MGP: variants seen among roughly 807,000 people sequenced by gnomAD.
MGP encodes cell growth-inhibiting gene 36 protein.
Under a neutral mutation model 14.5 loss-of-function variants are expected in MGP, and 13 were observed. The observed-to-expected ratio is 0.89, with a 90% CI of 0.58 to 1.42. MGP has a LOEUF of 1.42. Among genes scored for constraint, MGP ranks in the 40% most tolerant of loss-of-function variants. MGP has a pLI of 0.00. For synonymous variants in MGP, 44 were observed against 46.3 expected, an observed-to-expected ratio of 0.95 and a Z score of 0.20; for missense variants, 128 against 133.7, an observed-to-expected ratio of 0.96 and a Z score of 0.21.
intron 2 of MGP, 188 bp downstream of exon 2, chr12:14,884,025 A>G (rs1863411698): frequency 2.1e-6 from 1 of 479,240 alleles, no homozygotes; most frequent in African/African-American, 1.9e-5. Flanking sequence ...ATATTGCACT[A>G]CTTCAAACTT....
chr12:14,884,645 A>T (rs1008521391), intron 1 of MGP, among the ~76,000 whole-genome samples: 75 of 152,306 alleles, frequency 4.9e-4, no homozygotes, highest in Admixed American at 1.2e-3. Context: ...GTCAAAGAGG[A>T]TTAAGAAGGA....
Position 14,885,759 on chromosome 12 carries a change from G to T in MGP, c.33C>A (p.Ala11=). 2 of 1,613,800 alleles carry T rather than the reference G, an allele frequency of 1.2e-6. No individual in the cohort carries two copies. The highest frequency in any genetic ancestry group is 1.7e-6 in the Non-Finnish European group (2 of 1,179,752). ...AACACAAAGTTACTACCGCTAAGGC[G>T]GCCAGGATGGCAAGAAGGATCAGGC... MKSLILLAIL[A]ALAVVTLCYE... The change falls in exon 1 of 4, where the codon GCC becomes GCA. Residue 11 remains alanine (A), a synonymous_variant. Transcript: ENST00000539261.
intron 1 of MGP, among the ~76,000 whole-genome samples, chr12:14,884,585 C>G (rs1863418428): frequency 6.6e-6 from 1 of 152,170 alleles, no homozygotes. Flanking sequence ...GTACAGAAGT[C>G]TCCAGAGAAC....
At chr12:14,883,229 A>G in intron 2 of MGP, 182 bp from the exon 3 acceptor site, 1 of 594,514 alleles carries the variant, frequency 1.7e-6, no homozygotes, top group Admixed American at 2.4e-5. Context: ...ATCAAATGAA[A>G]TCAGTAATCA....
At chr12:14,884,320 A>G (rs772338103) in intron 1 of MGP, 75 bp from the exon 2 acceptor site, 35 of 1,017,126 alleles carry the variant, frequency 3.4e-5, no homozygotes, top group Non-Finnish European at 4.9e-5. Flanking sequence ...ATCAATTTAG[A>G]CACTGTGATA....
intron 1 of MGP, among the ~76,000 whole-genome samples, 173 bp downstream of exon 1, chr12:14,885,558 G>A (rs1187113927): frequency 6.6e-6 from 1 of 152,154 alleles, no homozygotes; most frequent in Non-Finnish European, 1.5e-5. Context: ...ATATAAAAAA[G>A]ACTTAATAGA....
At chr12:14,885,154 T>C (rs1163836574) in intron 1 of MGP, among the ~76,000 whole-genome samples, 1 of 152,238 alleles carries the variant, frequency 6.6e-6, no homozygotes, top group East Asian at 1.9e-4. Flanking sequence ...TTTGAACAAA[T>C]GCAGGTATAT....
chr12:14,883,370 C>T lies in MGP; in HGVS notation c.95-323G>A, dbSNP rs550877122. 1.0e-3 allele frequency: 368 copies of T among 358,826 alleles called. 4 individuals are homozygous for T. The highest frequency in any genetic ancestry group is 8.6e-3 in the South Asian group (357 of 41,470). 22.2% of individuals were successfully genotyped at this position (358,826 alleles called of 1,614,324 possible). On this transcript the variant is annotated intron_variant, in intron 2 of 3. Transcript: ENST00000539261. ...TCCTTTTGAGGAGAAATTCTCTGTC[C>T]TGAGGATTTATGAAGCATAACTAGA...
At position 14,882,138 on chromosome 12, in the gene MGP, C is replaced by T. The variant is rs755898034; in HGVS notation, c.*1G>A. 31 of 1,613,882 alleles carry T rather than the reference C, an allele frequency of 1.9e-5. No individual in the cohort carries two copies. Among genetic ancestry groups the T allele is most frequent in the Non-Finnish European group, 2.6e-5 (31 of 1,179,940 alleles). On this transcript the variant is annotated 3_prime_UTR_variant, in exon 4 of 4. Transcript: ENST00000539261. The stretch of plus-strand genomic sequence containing the variant: ...AAGAGATTTTTTTTCTTCCCTCAGT[C>T]TCATTTGGTCCCTCGGCGCTTCCTG...
Position 14,882,163 on chromosome 12 carries a change from G to C in MGP, c.288C>G (p.Phe96Leu). The change falls in exon 4 of 4, where the codon TTC (phenylalanine) becomes TTG (leucine). Residue 96 changes from phenylalanine (F) to leucine (L), a missense_variant. By Grantham distance (22) the Phe-to-Leu change is conservative. Coordinates refer to ENST00000539261, the MANE Select transcript of MGP (RefSeq NM_000900.5). The stretch of plus-strand genomic sequence containing the variant: ...CTCATTTGGTCCCTCGGCGCTTCCT[G>C]AAGTAGCGATTATAGGCAGCATTGT... ...YGYNAAYNRY[F>L]RKRRGTK The C allele has an allele frequency of 6.2e-7, 1 of 1,614,036 alleles. No individual in the cohort carries two copies. The highest frequency in any genetic ancestry group is 8.5e-7 in the Non-Finnish European group (1 of 1,179,972).
intron 2 of MGP, 168 bp from the exon 3 acceptor site, chr12:14,883,215 C>T (rs1863401293): frequency 1.6e-6 from 1 of 623,764 alleles, no homozygotes; most frequent in Non-Finnish European, 2.9e-6. Flanking sequence ...TCATTAACTT[C>T]CTGATCAAAT....
At chr12:14,882,838 G>T in intron 3 of MGP, 134 bp downstream of exon 3, 1 of 690,636 alleles carries the variant, frequency 1.4e-6, no homozygotes, top group Non-Finnish European at 2.6e-6. Context: ...TCTGAATATT[G>T]CTTTTAAGTT....
intron 2 of MGP, chr12:14,883,402 A>G (rs112973606): frequency 0.011 from 3,753 of 330,286 alleles, 91 homozygotes; most frequent in South Asian, 0.039. Context: ...TAGATTGCCG[A>G]TACATGAACA....
At position 14,883,179 on chromosome 12, in the gene MGP, A is replaced by G. The variant is rs905039891; in HGVS notation, c.95-132T>C. The G allele has an allele frequency of 1.4e-5, 10 of 721,790 alleles. No individual in the cohort carries two copies. In the African/African-American group the frequency reaches 1.8e-4, roughly 13 times the overall value. The allele number at this position is 721,790 out of a possible 1,614,324, so 44.7% of individuals were successfully genotyped here. A position where few individuals can be genotyped will look rare whatever the true frequency, so the allele number is the denominator to read the frequency against. On this transcript the variant is annotated intron_variant, in intron 2 of 3. Coordinates refer to ENST00000539261, the MANE Select transcript of MGP (RefSeq NM_000900.5). ...ACTCATATAAACGGAGATTGGCAAA[A>G]ATTAAAGGAGAGTATAAAGTAGATT...
At position 14,882,112 on chromosome 12, in the gene MGP, AAAG is replaced by A; in HGVS notation, c.*24_*26del. 6.2e-7 allele frequency: 1 copy of A among 1,613,844 alleles called. No individual in the cohort carries two copies. The highest frequency in any genetic ancestry group is 8.5e-7 in the Non-Finnish European group (1 of 1,179,810). On this transcript the variant is annotated 3_prime_UTR_variant, in exon 4 of 4. Transcript: ENST00000539261. ...AAATCAGGTGCCAGCCTCCAGAAAA[AAAG>A]AGATTTTTTTTCTTCCCTCAGTCTC... is the stretch of plus-strand genomic sequence containing the variant.
At chr12:14,882,523 AC>A (rs990298320) in intron 3 of MGP, among the ~76,000 whole-genome samples, 1 of 151,360 alleles carries the variant, frequency 6.6e-6, no homozygotes, top group Non-Finnish European at 1.5e-5. Flanking sequence ...ACATGACAAA[AC>A]CCCGTCTCTA....
Position 14,883,011 on chromosome 12 carries a change from A to G in MGP, c.131T>C (p.Ile44Thr), listed in dbSNP as rs751425407. ...AGCTCTCCATCTCTGCTGAGGGGAT[A>G]TGAAGGTATTTGCATTTCTCCTGTT... is the stretch of plus-strand genomic sequence containing the variant. ...FINRRNANTFISPQQRWRAKV... is the reference protein window; with the variant it reads ...FINRRNANTFTSPQQRWRAKV... Residue 44 changes from isoleucine (I) to threonine (T), a missense_variant, in exon 3 of 4, where the codon ATA becomes ACA. Coordinates refer to ENST00000539261, the MANE Select transcript of MGP (RefSeq NM_000900.5). The G allele has an allele frequency of 2.9e-5, 46 of 1,612,908 alleles. No individual in the cohort carries two copies. Among genetic ancestry groups the G allele is most frequent in the Non-Finnish European group, 3.8e-5 (45 of 1,179,124 alleles).
Position 14,884,978 on chromosome 12 carries a change from G to A in MGP, c.62-733C>T. 3 of 1,139,470 alleles carry A rather than the reference G, an allele frequency of 2.6e-6. No individual in the cohort carries two copies. The South Asian group carries it at 4.3e-5, about 16-fold the overall frequency. 70.6% of individuals were successfully genotyped at this position (1,139,470 alleles called of 1,614,324 possible). A position where few individuals can be genotyped will look rare whatever the true frequency, so the allele number is the denominator to read the frequency against. ...CTTCAAAACTTAAAAAGGAGGTGAA[G>A]AAATCAAATCCTCTAATACAGAAAA... On this transcript the variant is annotated intron_variant, in intron 1 of 3. Transcript: ENST00000539261.
rs1395193602 is a variant in MGP, at chr12:14,881,000, T to A, written c.*1139A>T. On this transcript the variant is annotated 3_prime_UTR_variant, in exon 4 of 4. Transcript: ENST00000539261. ...TAAAAGAAACGTGGCAACTTGGGATTCAATATACAGTGAAAATATCTTTCA... is the reference window on the plus strand; with the variant it reads ...TAAAAGAAACGTGGCAACTTGGGATACAATATACAGTGAAAATATCTTTCA... Among the ~76,000 whole-genome samples, 1 of 152,136 alleles carries A rather than the reference T, an allele frequency of 6.6e-6. No individual in the cohort carries two copies. The highest frequency in any genetic ancestry group is 2.4e-5 in the African/African-American group (1 of 41,438).
Sources: gnomAD v4.1 joint callset for allele counts (sites outside exome capture counted in the v4.1 genomes callset) on GRCh38, gnomAD v4.1.1 for gene constraint, MANE v1.5 for transcripts, NCBI Gene and HGNC (gene_info 2026-07-23, HGNC 2026-07-21) for gene names.